The following ZNG1F variants were observed in gnomAD, a reference collection of about 807,000 sequenced individuals.
ZNG1F encodes zinc-regulated GTPase metalloprotein activator 1F.
the ZNG1F span, among the ~76,000 whole-genome samples, chr9:41,193,742 A>C: frequency 1.3e-5 from 2 of 151,948 alleles, no homozygotes; most frequent in African/African-American, 4.8e-5. Flanking sequence ...TATACTAAAA[A>C]TACAAAAATT....
the ZNG1F span, among the ~76,000 whole-genome samples, chr9:41,166,560 C>CTG: frequency 8.1e-6 from 1 of 123,188 alleles, no homozygotes; most frequent in African/African-American, 3.2e-5. Flanking sequence ...TACAGAACTC[C>CTG]TGTGTTCAGC....
the ZNG1F span, chr9:41,133,989 C>T: frequency 1.9e-6 from 1 of 529,096 alleles, no homozygotes; most frequent in African/African-American, 1.9e-5. Context: ...TTAAAAAACT[C>T]ACTCAAAAAC....
At chr9:41,192,582 TC>T in the ZNG1F span, among the ~76,000 whole-genome samples, 1 of 88,034 alleles carries the variant, frequency 1.1e-5, no homozygotes, top group Non-Finnish European at 2.4e-5. Context: ...CAAGCGATTC[TC>T]CTGCCTCAGC....
At chr9:41,157,523 T>A in the ZNG1F span, 1 of 137,264 alleles carries the variant, frequency 7.3e-6, no homozygotes, top group Non-Finnish European at 1.6e-5. Flanking sequence ...AAAGCTAAGG[T>A]GAAGAAATAT....
At chr9:41,145,494 A>G in the ZNG1F span, 1 of 558,998 alleles carries the variant, frequency 1.8e-6, no homozygotes, top group South Asian at 2.2e-5. Flanking sequence ...AATAGAGAAA[A>G]GCTGGCAGAT....
At chr9:41,176,946 TA>T in the ZNG1F span, 1 of 139,240 alleles carries the variant, frequency 7.2e-6, no homozygotes. Flanking sequence ...TTGAAAACAA[TA>T]CAACCTTATA....
the ZNG1F span, chr9:41,158,001 CCA>C: frequency 8.9e-6 from 1 of 112,106 alleles, no homozygotes; most frequent in African/African-American, 3.2e-5. Context: ...TTTTCACCCC[CCA>C]CCCCTCCCCC....
chr9:41,154,685 C>T, the ZNG1F span, among the ~76,000 whole-genome samples: 2 of 148,666 alleles, frequency 1.3e-5, no homozygotes, highest in East Asian at 2.0e-4. Flanking sequence ...GAACAGAGCC[C>T]TCAGAAATAA....
chr9:41,169,694 T>C, the ZNG1F span, among the ~76,000 whole-genome samples: 2 of 147,840 alleles, frequency 1.4e-5, no homozygotes, highest in Admixed American at 1.4e-4. Context: ...AATTCTATTG[T>C]ATACTTGAAT....
At chr9:41,202,715 A>T in the ZNG1F span, among the ~76,000 whole-genome samples, 5 of 128,770 alleles carry the variant, frequency 3.9e-5, no homozygotes, top group East Asian at 1.1e-3. Flanking sequence ...CAAAAGTTAC[A>T]AAAATAGTAG....
chr9:41,140,969 C>T, the ZNG1F span, among the ~76,000 whole-genome samples: 1 of 151,606 alleles, frequency 6.6e-6, no homozygotes, highest in South Asian at 2.1e-4. Context: ...TTTAAGCAAT[C>T]CACCCACCTT....
At chr9:41,150,215 T>G in the ZNG1F span, among the ~76,000 whole-genome samples, 66 of 142,364 alleles carry the variant, frequency 4.6e-4, no homozygotes, top group African/African-American at 8.5e-4. Flanking sequence ...GGTGACAGAC[T>G]GCACCTGTAA....
At chr9:41,158,231 T>A in the ZNG1F span, 1 of 67,180 alleles carries the variant, frequency 1.5e-5, no homozygotes, top group Non-Finnish European at 3.3e-5. Context: ...GGAGAATCGC[T>A]TGAACCCAGG....
chr9:41,166,407 T>A, the ZNG1F span, among the ~76,000 whole-genome samples: 1 of 98,638 alleles, frequency 1.0e-5, no homozygotes, highest in Admixed American at 1.2e-4. Context: ...CAGAGTGAGA[T>A]TCTGTCTCAA....
chr9:41,196,724 ATGTGTGTGTATGTG>A, the ZNG1F span, among the ~76,000 whole-genome samples: 23 of 82,020 alleles, frequency 2.8e-4, no homozygotes, highest in African/African-American at 7.6e-4. Context: ...ATATATATAT[ATGTGTGTGTATGTG>A]TATATATATA....
At chr9:41,203,207 T>G in the ZNG1F span, among the ~76,000 whole-genome samples, 1 of 152,186 alleles carries the variant, frequency 6.6e-6, no homozygotes, top group Non-Finnish European at 1.5e-5. Flanking sequence ...ATAAAATTAC[T>G]GTTTCCCTGA....
chr9:41,183,484 TTAC>T, the ZNG1F span: 3,696 of 1,406,898 alleles, frequency 2.6e-3, 159 homozygotes, highest in African/African-American at 0.042. Flanking sequence ...TTCAGTTAAA[TTAC>T]TCAAGAAAAT....
chr9:41,154,804 T>A, the ZNG1F span, among the ~76,000 whole-genome samples: 1 of 150,214 alleles, frequency 6.7e-6, no homozygotes, highest in South Asian at 2.1e-4. Context: ...TAGCCATATG[T>A]CGAAAGCTGA....
At chr9:41,155,236 C>CA in the ZNG1F span, among the ~76,000 whole-genome samples, 1 of 150,694 alleles carries the variant, frequency 6.6e-6, no homozygotes, top group Admixed American at 6.7e-5. Flanking sequence ...TTTATGCCAC[C>CA]AAAAAACACA....
Sources: gnomAD v4.1 joint callset for allele counts (sites outside exome capture counted in the v4.1 genomes callset) on GRCh38, gnomAD v4.1.1 for gene constraint, MANE v1.5 for transcripts, NCBI Gene and HGNC (gene_info 2026-07-23, HGNC 2026-07-21) for gene names.